SPAG16: variants seen among roughly 807,000 people sequenced by gnomAD.
SPAG16 encodes sperm associated antigen 16.
A neutral mutation model predicts 80.4 loss-of-function variants in SPAG16; 86 were observed. That is an observed-to-expected ratio of 1.07 (90% CI 0.90 to 1.28). The LOEUF (loss-of-function observed/expected upper bound fraction) is 1.28. Ranked by LOEUF, SPAG16 falls within the 50% of genes most tolerant of loss-of-function variation. The pLI is 0.00. For synonymous variants in SPAG16, 294 were observed against 265.9 expected (o/e 1.11, Z -1.03); for missense variants, 870 against 765.3 (o/e 1.14, Z -1.61).
chr2:213,367,315 C>G (rs9677640), intron 8 of SPAG16, among the ~76,000 whole-genome samples: 147,658 of 151,546 alleles, frequency 0.97, 72,048 homozygotes, highest in East Asian at 1. Flanking sequence ...GTAATGGGAT[C>G]GCTGGGTCAA....
intron 10 of SPAG16, among the ~76,000 whole-genome samples, chr2:213,823,712 T>C (rs1019339138): frequency 6.6e-6 from 1 of 152,220 alleles, no homozygotes; most frequent in Admixed American, 6.5e-5. Context: ...ATGTCTTCTT[T>C]CGAGAAATGT....
At chr2:213,531,414 C>G (rs1182483119) in intron 10 of SPAG16, among the ~76,000 whole-genome samples, 2 of 145,344 alleles carry the variant, frequency 1.4e-5, no homozygotes, top group Non-Finnish European at 3.0e-5. Context: ...TTCTCTTTGG[C>G]AGAATGTGTT....
rs531661132 is a variant in SPAG16, at chr2:214,350,551, A to G, written c.1721-59589A>G. 4.6e-5 allele frequency among the ~76,000 whole-genome samples: 7 copies of G among 152,342 alleles called. No homozygotes were observed. The East Asian group carries it at 1.4e-3, about 29-fold the overall frequency. On this transcript the variant is annotated intron_variant, in intron 15 of 15. Coordinates refer to ENST00000331683, the MANE Select transcript of SPAG16 (RefSeq NM_024532.5). ...TGACTCCTACCTAGAGAAATCTGATACCAAGAGGCTATATGGAGTTGGCAG... is the reference window on the plus strand; with the variant it reads ...TGACTCCTACCTAGAGAAATCTGATGCCAAGAGGCTATATGGAGTTGGCAG...
At chr2:214,140,953 G>A (rs2055325767) in intron 14 of SPAG16, among the ~76,000 whole-genome samples, 1 of 78,262 alleles carries the variant, frequency 1.3e-5, no homozygotes, top group South Asian at 5.9e-4. Flanking sequence ...GGGGTGGGGG[G>A]TGGGGGGATG....
rs536159005 is a variant in SPAG16 at position 213,493,240 on chromosome 2, G to A, written c.1070+3150G>A. On this transcript the variant is annotated intron_variant, in intron 10 of 15. Transcript: ENST00000331683. ...ATAAACTTAAATATTAAAATAAGTA[G>A]TTAGATTGTGTTTAAGTGCAGAATA... Among the ~76,000 whole-genome samples, 3 of 152,296 alleles carry A rather than the reference G, an allele frequency of 2.0e-5. No homozygotes were observed. The South Asian group carries it at 6.2e-4, about 32-fold the overall frequency.
chr2:214,052,957 G>GT (rs769299609), intron 13 of SPAG16, among the ~76,000 whole-genome samples: 2 of 152,164 alleles, frequency 1.3e-5, no homozygotes, highest in African/African-American at 2.4e-5. Flanking sequence ...AAATGACAGA[G>GT]TTTTTTCTGC....
intron 13 of SPAG16, among the ~76,000 whole-genome samples, chr2:214,089,750 A>T (rs16851437): frequency 0.088 from 13,437 of 152,058 alleles, 767 homozygotes; most frequent in East Asian, 0.28. Flanking sequence ...CCATTCTCTG[A>T]GGTTCTCTAA....
chr2:214,220,722 CCAA>C (rs1199401220), intron 15 of SPAG16, among the ~76,000 whole-genome samples: 2 of 152,110 alleles, frequency 1.3e-5, no homozygotes, highest in Non-Finnish European at 2.9e-5. Flanking sequence ...TAATAAACCC[CCAA>C]CAAGTATTTA....
At chr2:213,338,689 G>C (rs1193355844) in intron 5 of SPAG16, among the ~76,000 whole-genome samples, 1 of 152,120 alleles carries the variant, frequency 6.6e-6, no homozygotes, top group South Asian at 2.1e-4. Flanking sequence ...GCCATAAAAA[G>C]GAATGGGACC....
intron 10 of SPAG16, among the ~76,000 whole-genome samples, chr2:213,721,042 G>C (rs969862945): frequency 6.6e-6 from 1 of 151,954 alleles, no homozygotes; most frequent in African/African-American, 2.4e-5. Context: ...GTGAGCCACC[G>C]TGCCCAGCCC....
intron 10 of SPAG16, among the ~76,000 whole-genome samples, chr2:213,611,021 G>A (rs2061424768): frequency 6.6e-6 from 1 of 152,124 alleles, no homozygotes; most frequent in Non-Finnish European, 1.5e-5. Flanking sequence ...AGGGAATGCA[G>A]CCCAGCAAGT....
rs755345457 is a variant in SPAG16, at chr2:213,322,334, C to CAA, written c.536+4999_536+5000dup. On this transcript the variant is annotated intron_variant, in intron 5 of 15. Transcript: ENST00000331683. ...TCTTCTTTCCATAGTGTAGACAATGCAAAAAAAAAAAAAAAAAAAAAACAA... is the reference window on the plus strand; with the variant it reads ...TCTTCTTTCCATAGTGTAGACAATGCAAAAAAAAAAAAAAAAAAAAAAAACAA... Among the ~76,000 whole-genome samples the CAA allele has an allele frequency of 2.5e-3, 59 of 23,660 alleles. 1 individual carries two copies. The highest frequency in any genetic ancestry group is 3.1e-3 in the Non-Finnish European group (35 of 11,454). 15.5% of individuals were successfully genotyped at this position (23,660 alleles called of 152,430 possible).
intron 11 of SPAG16, among the ~76,000 whole-genome samples, chr2:213,868,923 C>T (rs1297855638): frequency 3.9e-5 from 6 of 151,922 alleles, no homozygotes; most frequent in Admixed American, 3.9e-4. Flanking sequence ...GTATGAAAAC[C>T]CCTTGACGAG....
At chr2:213,803,769 G>T (rs1216923576) in intron 10 of SPAG16, among the ~76,000 whole-genome samples, 1 of 151,992 alleles carries the variant, frequency 6.6e-6, no homozygotes, top group Non-Finnish European at 1.5e-5. Flanking sequence ...GAAGGATCTC[G>T]CTCTGTCACC....
intron 10 of SPAG16, among the ~76,000 whole-genome samples, chr2:213,712,331 G>A (rs950696331): frequency 6.6e-6 from 1 of 152,102 alleles, no homozygotes; most frequent in East Asian, 1.9e-4. Context: ...ATATCAGCAA[G>A]ATAGACATTG....
At chr2:213,587,938 T>C (rs946234589) in intron 10 of SPAG16, among the ~76,000 whole-genome samples, 2 of 152,156 alleles carry the variant, frequency 1.3e-5, no homozygotes, top group African/African-American at 4.8e-5. Context: ...CATATGCCCC[T>C]TAGAAATCTT....
intron 10 of SPAG16, among the ~76,000 whole-genome samples, chr2:213,731,457 G>A (rs2067036896): frequency 2.7e-5 from 1 of 37,690 alleles, no homozygotes; most frequent in Admixed American, 4.9e-4. Context: ...ACCATGTCCA[G>A]CTGTTTTTTT....
rs575256819 is a variant in SPAG16 at position 213,936,436 on chromosome 2, T to C, written c.1400+6291T>C. ...GATGACTCTGGCTACTGTTTTGAGA[T>C]TAGATGGTGGCAGAGGTGGGGTGAA... On this transcript the variant is annotated intron_variant, in intron 12 of 15. Coordinates refer to ENST00000331683, the MANE Select transcript of SPAG16 (RefSeq NM_024532.5). Among the ~76,000 whole-genome samples the C allele has an allele frequency of 2.0e-5, 3 of 152,242 alleles. No individual in the cohort carries two copies. In the South Asian group the frequency reaches 6.2e-4, roughly 32 times the overall value.
chr2:213,918,996 C>T (rs2078092458), intron 11 of SPAG16, among the ~76,000 whole-genome samples: 1 of 151,960 alleles, frequency 6.6e-6, no homozygotes, highest in African/African-American at 2.4e-5. Context: ...CAGTGTAATG[C>T]CCTTTGTAAT....
Sources: allele counts gnomAD v4.1 joint callset (sites outside exome capture counted in the v4.1 genomes callset), GRCh38; gene constraint gnomAD v4.1.1; transcripts MANE v1.5; gene names NCBI Gene and HGNC (gene_info 2026-07-23, HGNC 2026-07-21).